Variants in TP63 observed in about 807,000 individuals in gnomAD.
TP63 encodes tumor protein p63, also known as tumor protein 63.
In TP63, 17 loss-of-function variants were observed where a neutral mutation model predicts 82.8. The ratio of observed to expected loss-of-function variants is 0.21; its 90% CI spans 0.14 to 0.31. The LOEUF (loss-of-function observed/expected upper bound fraction) is 0.31. Ranked by LOEUF, TP63 falls within the 10% of genes least tolerant of loss-of-function variation. The pLI, the probability that TP63 is intolerant of heterozygous loss-of-function variation, is 1.00. For missense variants in TP63, 648 were observed against 895.3 expected (o/e 0.72, Z 3.52); for synonymous variants, 330 against 321.7 (o/e 1.03, Z -0.28).
intron 10 of TP63, chr3:189,873,512 T>C (rs1718689309): frequency 5.7e-6 from 1 of 176,548 alleles, no homozygotes; most frequent in South Asian, 1.2e-4. Context: ...TGCATGATAA[T>C]TGGGGAAATA....
intron 4 of TP63, among the ~76,000 whole-genome samples, chr3:189,829,607 TAG>T (rs1711988680): frequency 6.6e-6 from 1 of 152,162 alleles, no homozygotes; most frequent in African/African-American, 2.4e-5. Flanking sequence ...GGGCAGAGAC[TAG>T]ATTTGGAGGA....
chr3:189,878,428 A>C (rs1719492851), intron 10 of TP63, among the ~76,000 whole-genome samples: 1 of 123,552 alleles, frequency 8.1e-6, no homozygotes, highest in Non-Finnish European at 1.6e-5. Flanking sequence ...TTGCTCTGTC[A>C]CCCAGGCTAG....
At chr3:189,634,914 T>C (rs1333658864) in intron 1 of TP63, among the ~76,000 whole-genome samples, 1 of 152,060 alleles carries the variant, frequency 6.6e-6, no homozygotes, top group Non-Finnish European at 1.5e-5. Context: ...CAATTTTCCA[T>C]TCTTTCATTT....
intron 1 of TP63, among the ~76,000 whole-genome samples, chr3:189,682,494 G>A (rs1577231586): frequency 1.4e-5 from 2 of 139,240 alleles, no homozygotes; most frequent in African/African-American, 2.7e-5. Flanking sequence ...AATGCTGATT[G>A]TTTAACCCAG....
chr3:189,755,255 G>A lies in TP63; in HGVS notation c.324+16481G>A, dbSNP rs149825189. Among the ~76,000 whole-genome samples, 23 of 152,120 alleles carry A rather than the reference G, an allele frequency of 1.5e-4. No homozygotes were observed. In the East Asian group the frequency reaches 4.0e-3, roughly 27 times the overall value. ...TCTCTCTGTACCATTTTTCCTCAAA[G>A]CTCTGTGAGGAAGGTAAATATGTAT... On this transcript the variant is annotated intron_variant, in intron 3 of 13. Transcript: ENST00000264731.
chr3:189,821,637 G>C (rs1728806793), intron 4 of TP63, among the ~76,000 whole-genome samples: 1 of 152,138 alleles, frequency 6.6e-6, no homozygotes, highest in Non-Finnish European at 1.5e-5. Flanking sequence ...GTTTCTAATG[G>C]TTTGAACTTT....
At chr3:189,634,998 A>AT (rs1239809151) in intron 1 of TP63, among the ~76,000 whole-genome samples, 11 of 152,110 alleles carry the variant, frequency 7.2e-5, no homozygotes, top group African/African-American at 2.4e-4. Flanking sequence ...CTTTCAAAGT[A>AT]TTTTTTTCAA....
At chr3:189,868,479 G>A (rs981457642) in intron 7 of TP63, 101 bp from the exon 8 acceptor site, 71 of 1,536,764 alleles carry the variant, frequency 4.6e-5, no homozygotes, top group Non-Finnish European at 5.3e-5. Context: ...CTGGTAGTAC[G>A]TTGGCGATGG....
chr3:189,647,101 T>G (rs9824378), intron 1 of TP63, among the ~76,000 whole-genome samples: 121,518 of 145,630 alleles, frequency 0.83, 54,038 homozygotes, highest in East Asian at 0.93. Context: ...TGTTTAGCAC[T>G]TGGTCGCTTC....
chr3:189,875,538 C>G (rs1397243146), intron 10 of TP63, among the ~76,000 whole-genome samples: 1 of 140,514 alleles, frequency 7.1e-6, no homozygotes, highest in African/African-American at 2.7e-5. Context: ...TGCACTCCAG[C>G]CTGGGCAACA....
chr3:189,835,915 AAATAATAATAATAATAATAATAATAAT>A (rs71711373), intron 4 of TP63, among the ~76,000 whole-genome samples: 43 of 136,868 alleles, frequency 3.1e-4, no homozygotes, highest in African/African-American at 9.7e-4. Flanking sequence ...CTCCATCTCA[AAATAATAATAATAATAATAATAATAAT>A]AATAATAATA....
intron 1 of TP63, among the ~76,000 whole-genome samples, chr3:189,734,878 A>G (rs1434515021): frequency 1.3e-5 from 2 of 152,006 alleles, no homozygotes; most frequent in Non-Finnish European, 2.9e-5. Flanking sequence ...CTTTCTTTCC[A>G]GGATCTTGAA....
chr3:189,834,110 A>G (rs1273801532), intron 4 of TP63, among the ~76,000 whole-genome samples: 1 of 152,200 alleles, frequency 6.6e-6, no homozygotes, highest in East Asian at 1.9e-4. Flanking sequence ...AGACAAGACC[A>G]GAGGCGCCGG....
At chr3:189,858,538 G>A (rs866792490) in intron 4 of TP63, among the ~76,000 whole-genome samples, 1 of 152,316 alleles carries the variant, frequency 6.6e-6, no homozygotes, top group African/African-American at 2.4e-5. Context: ...ACTTTGGGAG[G>A]CTGAGACAGG....
chr3:189,701,661 G>A (rs1717819318), intron 1 of TP63, among the ~76,000 whole-genome samples: 1 of 151,370 alleles, frequency 6.6e-6, no homozygotes, highest in African/African-American at 2.4e-5. Context: ...AAAATGGAGG[G>A]GAAAGTTCAA....
intron 1 of TP63, among the ~76,000 whole-genome samples, chr3:189,678,454 A>G (rs940065014): frequency 2.0e-5 from 3 of 151,942 alleles, no homozygotes; most frequent in African/African-American, 7.2e-5. Flanking sequence ...ATCTATTTTT[A>G]TACCAGTACC....
intron 1 of TP63, among the ~76,000 whole-genome samples, chr3:189,656,806 C>T (rs1355330709): frequency 6.6e-6 from 1 of 151,990 alleles, no homozygotes; most frequent in Non-Finnish European, 1.5e-5. Flanking sequence ...AATGTGTATG[C>T]ACCTAACAAC....
chr3:189,602,821 A>G, the TP63 span, among the ~76,000 whole-genome samples: 1 of 152,130 alleles, frequency 6.6e-6, no homozygotes, highest in African/African-American at 2.4e-5. Flanking sequence ...TGAACACTCT[A>G]TTTTAAAATA....
intron 1 of TP63, among the ~76,000 whole-genome samples, chr3:189,661,302 A>C (rs1255717051): frequency 6.6e-6 from 1 of 151,982 alleles, no homozygotes; most frequent in Non-Finnish European, 1.5e-5. Context: ...ATTTTATCTA[A>C]ATCTTTCTCC....
Sources: gnomAD v4.1 joint callset for allele counts (sites outside exome capture counted in the v4.1 genomes callset) on GRCh38, gnomAD v4.1.1 for gene constraint, MANE v1.5 for transcripts, NCBI Gene and HGNC (gene_info 2026-07-23, HGNC 2026-07-21) for gene names.